Variants in CSMD2 observed in about 807,000 individuals in gnomAD.
The protein encoded by CSMD2 is CUB and Sushi multiple domains 2, also known as CUB and sushi domain-containing protein 2.
CSMD2 carries 130 observed loss-of-function variants against 398.5 expected under a neutral mutation model. The ratio of observed to expected loss-of-function variants is 0.33; its 90% CI spans 0.28 to 0.38. The LOEUF (loss-of-function observed/expected upper bound fraction) is 0.38. CSMD2 is among the 10% of genes least tolerant of loss of function. The probability of loss-of-function intolerance (pLI) is 1.00; values close to 1 mark genes in which losing one functional copy is unlikely to be tolerated. For missense variants in CSMD2, 3,829 were observed against 4,764.9 expected, an observed-to-expected ratio of 0.80 and a Z score of 5.78; for synonymous variants, 1,828 against 1,908.5, an observed-to-expected ratio of 0.96 and a Z score of 1.10.
intron 1 of CSMD2, among the ~76,000 whole-genome samples, chr1:34,145,905 T>A (rs1639725541): frequency 6.6e-6 from 1 of 152,174 alleles, no homozygotes; most frequent in South Asian, 2.1e-4. Flanking sequence ...ACACTGAGGC[T>A]TCTCGAGAGG....
At chr1:33,589,631 C>T (rs1639298874) in intron 44 of CSMD2, among the ~76,000 whole-genome samples, 1 of 152,170 alleles carries the variant, frequency 6.6e-6, no homozygotes, top group African/African-American at 2.4e-5. Context: ...AACATCACTT[C>T]ATGATCACCC....
chr1:33,670,112 G>A (rs1223746398), intron 25 of CSMD2, among the ~76,000 whole-genome samples: 2 of 152,174 alleles, frequency 1.3e-5, no homozygotes, highest in African/African-American at 4.8e-5. Context: ...GTACTGGTAG[G>A]TGCCTCACAT....
chr1:34,091,043 C>CTAGT (rs1299526627), intron 1 of CSMD2, among the ~76,000 whole-genome samples: 1 of 152,150 alleles, frequency 6.6e-6, no homozygotes, highest in Non-Finnish European at 1.5e-5. Flanking sequence ...AGATCTCAGC[C>CTAGT]TAGTGTCCTT....
At chr1:34,066,147 C>T (rs951106927) in intron 2 of CSMD2, among the ~76,000 whole-genome samples, 6 of 152,184 alleles carry the variant, frequency 3.9e-5, no homozygotes, top group African/African-American at 1.4e-4. Flanking sequence ...TGAGATGTAG[C>T]ATTTCAAGCT....
rs181170249 is a variant in CSMD2 at position 33,660,478 on chromosome 1, C to T, written c.4256-2341G>A. On this transcript the variant is annotated intron_variant, in intron 26 of 70. Transcript: ENST00000373381. ...TTAATAAAGCCAAGCCTGCACTAAT[C>T]GTCCCTGGCATTTCTGTACAATCCC... is the stretch of plus-strand genomic sequence containing the variant. Among the ~76,000 whole-genome samples the T allele has an allele frequency of 4.6e-5, 7 of 152,330 alleles. No homozygotes were observed. In the East Asian group the frequency reaches 1.3e-3, roughly 29 times the overall value.
Position 33,569,415 on chromosome 1 carries a change from A to T in CSMD2, c.8090T>A (p.Met2697Lys). ...AGAGCCACTCCAGAGCCCATTGGCC[A>T]TGCACTCACGCACCCTGGAGCCCAC... The part of the protein sequence containing the change: ...TLVGSRVREC[M>K]ANGLWSGSEV... The change falls in exon 52 of 71, where the codon ATG (methionine) becomes AAG (lysine). Residue 2697 changes from methionine to lysine, a missense_variant. By Grantham distance (95) the Met-to-Lys change is moderately conservative (BLOSUM62 -1). Coordinates refer to ENST00000373381, the MANE Select transcript of CSMD2 (RefSeq NM_001281956.2). The T allele has an allele frequency of 6.2e-7, 1 of 1,614,194 alleles. No individual in the cohort carries two copies. The highest frequency in any genetic ancestry group is 8.5e-7 in the Non-Finnish European group (1 of 1,180,026).
At chr1:34,130,713 C>A (rs1197341424) in intron 1 of CSMD2, among the ~76,000 whole-genome samples, 1 of 152,070 alleles carries the variant, frequency 6.6e-6, no homozygotes, top group Admixed American at 6.5e-5. Context: ...CCTGCTCAGC[C>A]CTGCGCTCAA....
rs1220341442 is a variant in CSMD2 at position 33,926,120 on chromosome 1, C to T, written c.713-7819G>A. ...ACTTAGTTAACATGTAGATAGCAAA[C>T]TCCATGAGAACAGAGGCCATGTCTG... On this transcript the variant is annotated intron_variant, in intron 4 of 70. Coordinates refer to ENST00000373381, the MANE Select transcript of CSMD2 (RefSeq NM_001281956.2). 1.3e-5 allele frequency among the ~76,000 whole-genome samples: 2 copies of T among 152,156 alleles called. 1 individual carries two copies. Among genetic ancestry groups the T allele is most frequent in the East Asian group, 3.9e-4 (2 of 5,184 alleles).
chr1:33,798,495 C>T (rs907670757), intron 10 of CSMD2, among the ~76,000 whole-genome samples: 3 of 152,050 alleles, frequency 2.0e-5, no homozygotes, highest in Non-Finnish European at 4.4e-5. Flanking sequence ...GGGTCTGGGC[C>T]TGGCGGGATG....
intron 46 of CSMD2, among the ~76,000 whole-genome samples, 189 bp from the exon 47 acceptor site, chr1:33,584,019 G>A (rs2148738044): frequency 6.6e-6 from 1 of 152,264 alleles, no homozygotes; most frequent in South Asian, 2.1e-4. Context: ...TGTCAATATT[G>A]CAGTATTTCT....
chr1:33,670,227 C>G (rs1401855486), intron 25 of CSMD2, among the ~76,000 whole-genome samples: 1 of 152,204 alleles, frequency 6.6e-6, no homozygotes, highest in Admixed American at 6.5e-5. Flanking sequence ...CATCCATTGA[C>G]TTCCCTGTCT....
intron 2 of CSMD2, among the ~76,000 whole-genome samples, chr1:34,066,956 G>A (rs1467111391): frequency 6.6e-6 from 1 of 152,150 alleles, no homozygotes; most frequent in African/African-American, 2.4e-5. Context: ...TGCTTGGAAG[G>A]GGACAGGATC....
chr1:34,054,032 A>G (rs1653531966), intron 2 of CSMD2, among the ~76,000 whole-genome samples: 1 of 152,212 alleles, frequency 6.6e-6, no homozygotes, highest in Non-Finnish European at 1.5e-5. Flanking sequence ...ATGGCACAGA[A>G]AGTTCCTATA....
At chr1:33,679,107 A>C (rs1436104659) in intron 25 of CSMD2, among the ~76,000 whole-genome samples, 1 of 151,692 alleles carries the variant, frequency 6.6e-6, no homozygotes, top group Non-Finnish European at 1.5e-5. Flanking sequence ...GGATTCTGTG[A>C]GGGGCCAATG....
Position 33,633,614 on chromosome 1 carries a change from G to A in CSMD2, c.5087-79C>T. ...GGGATCTAGGGGTCTAGGGGCCCAA[G>A]CCAGGAGGAGGGCAGCCCTGGGGAA... On this transcript the variant is annotated intron_variant, in intron 31 of 70. Coordinates refer to ENST00000373381, the MANE Select transcript of CSMD2 (RefSeq NM_001281956.2). The surrounding 1 kb of genome is among the most constrained non-coding windows in gnomAD (Gnocchi z 5.0). 1 of 1,065,738 alleles carries A rather than the reference G, an allele frequency of 9.4e-7. No individual in the cohort carries two copies. Among genetic ancestry groups the A allele is most frequent in the East Asian group, 2.6e-5 (1 of 38,640 alleles). 66.0% of individuals were successfully genotyped at this position (1,065,738 alleles called of 1,614,324 possible).
chr1:34,102,505 C>T (rs1198391264), intron 1 of CSMD2, among the ~76,000 whole-genome samples: 1 of 152,166 alleles, frequency 6.6e-6, no homozygotes, highest in Non-Finnish European at 1.5e-5. Context: ...GAATGGGTAC[C>T]CAGATGCCTG....
intron 1 of CSMD2, among the ~76,000 whole-genome samples, chr1:34,124,073 A>G (rs1225240747): frequency 6.6e-6 from 1 of 152,194 alleles, no homozygotes; most frequent in African/African-American, 2.4e-5. Context: ...TTCCAAAATC[A>G]CTCAGCTAGT....
chr1:33,583,886 C>A, intron 46 of CSMD2, 56 bp from the exon 47 acceptor site: 9 of 1,481,558 alleles, frequency 6.1e-6, no homozygotes, highest in South Asian at 1.2e-5. Flanking sequence ...GAACTACGGC[C>A]AATACATTTG....
At chr1:34,139,527 T>A (rs1016364198) in intron 1 of CSMD2, among the ~76,000 whole-genome samples, 1 of 152,242 alleles carries the variant, frequency 6.6e-6, no homozygotes, top group Non-Finnish European at 1.5e-5. Context: ...AACAGAAAGT[T>A]TGTGGCAATT....
Sources: allele counts gnomAD v4.1 joint callset (sites outside exome capture counted in the v4.1 genomes callset), GRCh38; gene constraint gnomAD v4.1.1; non-coding constraint Gnocchi (gnomAD v3.1); transcripts MANE v1.5; gene names NCBI Gene and HGNC (gene_info 2026-07-23, HGNC 2026-07-21).